The following SLC4A4 variants were observed in gnomAD, a reference collection of about 807,000 sequenced individuals.
SLC4A4 encodes solute carrier family 4 member 4, also known as electrogenic sodium bicarbonate cotransporter 1.
SLC4A4 carries 27 observed loss-of-function variants against 111.5 expected under a neutral mutation model. That is an observed-to-expected ratio of 0.24 (90% CI 0.18 to 0.33). The LOEUF (loss-of-function observed/expected upper bound fraction) is 0.33, where lower values mean the gene tolerates loss of function less well. Among genes scored for constraint, SLC4A4 ranks in the 10% least tolerant of loss-of-function variants. The probability of loss-of-function intolerance (pLI) is 1.00; values close to 1 mark genes in which losing one functional copy is unlikely to be tolerated. For synonymous variants in SLC4A4, 443 were observed against 463.4 expected (o/e 0.96, Z 0.57); for missense variants, 909 against 1,315.5 (o/e 0.69, Z 4.78).
intron 3 of SLC4A4, among the ~76,000 whole-genome samples, chr4:71,282,319 G>A (rs188893594): frequency 1.8e-4 from 27 of 151,356 alleles, no homozygotes; most frequent in Admixed American, 5.3e-4. Context: ...TTGAGATGGA[G>A]TTTTGCTCTT....
At chr4:71,190,272 TG>T (rs1373386750) in intron 1 of SLC4A4, among the ~76,000 whole-genome samples, 6 of 152,174 alleles carry the variant, frequency 3.9e-5, no homozygotes, top group Non-Finnish European at 2.9e-5. Context: ...GAAAATATGC[TG>T]CTGTTCTTCT....
intron 1 of SLC4A4, among the ~76,000 whole-genome samples, chr4:71,214,195 G>C (rs1718293181): frequency 6.6e-6 from 1 of 152,180 alleles, no homozygotes; most frequent in African/African-American, 2.4e-5. Context: ...GCTCCCAGCT[G>C]TGGCCTCCTA....
chr4:71,120,979 C>G (rs556392616), intron 2 of SLC4A4, among the ~76,000 whole-genome samples: 313 of 152,336 alleles, frequency 2.1e-3, no homozygotes, highest in African/African-American at 7.0e-3. Context: ...CGGGCCAGCA[C>G]GAGTTCCGGG....
chr4:71,322,775 G>A (rs1727219956), intron 3 of SLC4A4, among the ~76,000 whole-genome samples: 1 of 151,936 alleles, frequency 6.6e-6, no homozygotes. Context: ...GGTCCTTCAG[G>A]AAAAGGTTGC....
chr4:71,469,512 T>A (rs1727678353), intron 13 of SLC4A4, among the ~76,000 whole-genome samples: 2 of 152,000 alleles, frequency 1.3e-5, no homozygotes, highest in South Asian at 2.1e-4. Context: ...CTAGGAACAC[T>A]GAGTGGTACC....
chr4:71,478,624 GGGAGGGAGA>G (rs1335984697), intron 14 of SLC4A4, among the ~76,000 whole-genome samples: 1 of 151,770 alleles, frequency 6.6e-6, no homozygotes. Flanking sequence ...TGGGGGCAAG[GGGAGGGAGA>G]GCATTAGGAG....
At chr4:71,135,033 G>T (rs972526044) in intron 2 of SLC4A4, among the ~76,000 whole-genome samples, 1 of 152,224 alleles carries the variant, frequency 6.6e-6, no homozygotes, top group Middle Eastern at 3.4e-3. Flanking sequence ...CCATCGCTGG[G>T]CTCCGATAAG....
At chr4:71,173,240 T>C (rs957436556) in intron 2 of SLC4A4, among the ~76,000 whole-genome samples, 4 of 152,210 alleles carry the variant, frequency 2.6e-5, no homozygotes, top group Non-Finnish European at 5.9e-5. Context: ...TGTTTTTGGA[T>C]AGCTGATATC....
intron 3 of SLC4A4, among the ~76,000 whole-genome samples, chr4:71,326,133 T>C (rs933631429): frequency 2.0e-5 from 3 of 151,884 alleles, no homozygotes; most frequent in African/African-American, 7.3e-5. Flanking sequence ...ATCCTGGAAT[T>C]GCACATCCCA....
intron 7 of SLC4A4, among the ~76,000 whole-genome samples, chr4:71,407,836 A>G (rs1251066199): frequency 6.6e-6 from 1 of 151,808 alleles, no homozygotes; most frequent in Non-Finnish European, 1.5e-5. Flanking sequence ...TAGATTAGTT[A>G]GTTGACTTGT....
At chr4:71,245,239 C>T (rs1720567981) in intron 2 of SLC4A4, among the ~76,000 whole-genome samples, 1 of 152,056 alleles carries the variant, frequency 6.6e-6, no homozygotes, top group African/African-American at 2.4e-5. Flanking sequence ...TTATGTTATG[C>T]TAAATATTAG....
upstream of SLC4A4, chr4:71,186,712 G>A (rs1199544367): frequency 6.6e-6 from 1 of 151,880 alleles, no homozygotes; most frequent in Non-Finnish European, 1.5e-5. Context: ...CAGGGCAGGG[G>A]GCCGGCCGAG....
intron 6 of SLC4A4, among the ~76,000 whole-genome samples, chr4:71,396,489 G>A (rs1160748594): frequency 6.6e-6 from 1 of 152,192 alleles, no homozygotes; most frequent in African/African-American, 2.4e-5. Context: ...CAAATGTGAA[G>A]CTATGTTAGA....
intron 16 of SLC4A4, among the ~76,000 whole-genome samples, chr4:71,506,336 C>T (rs1731414757): frequency 6.6e-6 from 1 of 152,038 alleles, no homozygotes; most frequent in Non-Finnish European, 1.5e-5. Flanking sequence ...ATGGAATGCT[C>T]TTCCATTTTT....
intron 3 of SLC4A4, among the ~76,000 whole-genome samples, chr4:71,303,235 G>A (rs74334751): frequency 6.6e-6 from 1 of 152,216 alleles, no homozygotes; most frequent in African/African-American, 2.4e-5. Context: ...GGGAGGTAGA[G>A]GAGTTTATTG....
At chr4:71,157,112 C>T (rs7672706) in intron 2 of SLC4A4, among the ~76,000 whole-genome samples, 4 of 152,102 alleles carry the variant, frequency 2.6e-5, no homozygotes, top group African/African-American at 9.7e-5. Context: ...ACCACTCCAA[C>T]CTGCAATTAT....
intron 1 of SLC4A4, among the ~76,000 whole-genome samples, chr4:71,089,334 G>A (rs1439514548): frequency 1.3e-5 from 2 of 151,820 alleles, no homozygotes; most frequent in Non-Finnish European, 2.9e-5. Context: ...TCTTTGCCAT[G>A]GGTTCGAACT....
chr4:71,451,213 A>C lies in SLC4A4; in HGVS notation c.1234A>C (p.Asn412His), dbSNP rs1174897900. 1 of 1,610,576 alleles carries C rather than the reference A, an allele frequency of 6.2e-7. No individual in the cohort carries two copies. The highest frequency in any genetic ancestry group is 8.5e-7 in the Non-Finnish European group (1 of 1,176,862). Residue 412 changes from asparagine to histidine, a missense_variant, in exon 11 of 26, where the codon AAT (asparagine) becomes CAT (histidine). This residue lies in a region of SLC4A4 where 312 missense variants were observed against 402.0 expected (regional missense o/e 0.78). Transcript: ENST00000264485. ...KRKNMYSGGENVQMNGDTPHD... is the reference protein window; with the variant it reads ...KRKNMYSGGEHVQMNGDTPHD... ...AAAGAATATGTACTCAGGTGGAGAGAATGTTCAGATGAATGGGGATACGCC... is the reference window on the plus strand; with the variant it reads ...AAAGAATATGTACTCAGGTGGAGAGCATGTTCAGATGAATGGGGATACGCC...
At chr4:71,181,205 G>A (rs1745281650) in intron 2 of SLC4A4, among the ~76,000 whole-genome samples, 2 of 125,290 alleles carry the variant, frequency 1.6e-5, no homozygotes, top group Non-Finnish European at 1.6e-5. Context: ...TCACACACCA[G>A]GGCCTGTTGT....
Sources: gnomAD v4.1 joint callset for allele counts (sites outside exome capture counted in the v4.1 genomes callset) on GRCh38, gnomAD v4.1.1 for gene constraint, gnomAD v4.1.1 regional missense constraint, MANE v1.5 for transcripts, NCBI Gene and HGNC (gene_info 2026-07-23, HGNC 2026-07-21) for gene names.